Variants in TMTC2 observed in about 807,000 individuals in gnomAD.
TMTC2 encodes the protein protein O-mannosyl-transferase TMTC2.
In TMTC2, 43 loss-of-function variants were observed where a neutral mutation model predicts 82.4. The observed-to-expected ratio is 0.52, with a 90% CI of 0.41 to 0.67. The LOEUF (loss-of-function observed/expected upper bound fraction) is 0.67, where lower values mean the gene tolerates loss of function less well. Ranked by LOEUF, TMTC2 falls within the 30% of genes least tolerant of loss-of-function variation. The probability of loss-of-function intolerance (pLI) is 0.00; values close to 1 mark genes in which losing one functional copy is unlikely to be tolerated. For missense variants in TMTC2, 919 were observed against 1,012.4 expected (o/e 0.91, Z 1.25); for synonymous variants, 408 against 381.9 (o/e 1.07, Z -0.80).
At chr12:83,067,713 A>G (rs905341095) in intron 11 of TMTC2, among the ~76,000 whole-genome samples, 3 of 152,066 alleles carry the variant, frequency 2.0e-5, no homozygotes, top group Admixed American at 1.3e-4. Flanking sequence ...GCAGGCCTGT[A>G]CTATCTACAT....
intron 3 of TMTC2, among the ~76,000 whole-genome samples, chr12:82,901,534 C>T (rs1874021163): frequency 6.6e-6 from 1 of 151,662 alleles, no homozygotes; most frequent in Admixed American, 6.6e-5. Context: ...AAACTCCTGA[C>T]CTCGTGATCC....
At chr12:82,724,077 GC>G (rs1427714211) in intron 1 of TMTC2, among the ~76,000 whole-genome samples, 1 of 152,228 alleles carries the variant, frequency 6.6e-6, no homozygotes, top group Non-Finnish European at 1.5e-5. Context: ...TCTGCAAGAT[GC>G]CCTGGGGAAA....
In TMTC2 at chr12:83,032,607, C is replaced by T. The variant is rs904410182; in HGVS notation, c.2152+1728C>T. Among the ~76,000 whole-genome samples the T allele has an allele frequency of 6.6e-5, 10 of 152,194 alleles. No individual in the cohort carries two copies. In the South Asian group the frequency reaches 1.2e-3, roughly 19 times the overall value. ...CTGCCCAGGCTGGTGTGCAATGGCA[C>T]GATCTCGGCTCACTGCAACCTCCAC... On this transcript the variant is annotated intron_variant, in intron 9 of 11. Transcript: ENST00000321196.
intron 10 of TMTC2, among the ~76,000 whole-genome samples, chr12:83,053,633 T>C (rs539974968): frequency 1.3e-5 from 2 of 152,192 alleles, no homozygotes; most frequent in South Asian, 4.1e-4. Flanking sequence ...AATCTTTATC[T>C]TACTGGGACC....
At chr12:82,857,828 G>A (rs1871338663) in intron 2 of TMTC2, among the ~76,000 whole-genome samples, 1 of 152,102 alleles carries the variant, frequency 6.6e-6, no homozygotes, top group African/African-American at 2.4e-5. Flanking sequence ...ATTTTGCCTT[G>A]TAAAGAATAT....
At chr12:82,751,134 AC>A (rs1475060769) in intron 1 of TMTC2, among the ~76,000 whole-genome samples, 16 of 152,210 alleles carry the variant, frequency 1.1e-4, no homozygotes, top group Non-Finnish European at 5.9e-5. Context: ...CTTGGAACCA[AC>A]CCAAATGTCC....
At chr12:82,817,749 A>G (rs892641595) in intron 1 of TMTC2, among the ~76,000 whole-genome samples, 1 of 152,180 alleles carries the variant, frequency 6.6e-6, no homozygotes, top group African/African-American at 2.4e-5. Flanking sequence ...ACTGCTTCCA[A>G]AATGAAACCA....
chr12:82,831,844 C>G (rs1460353680), intron 1 of TMTC2, among the ~76,000 whole-genome samples: 5 of 152,148 alleles, frequency 3.3e-5, no homozygotes, highest in African/African-American at 1.2e-4. Flanking sequence ...CATTCCTTTT[C>G]AAAGACTACA....
chr12:82,884,408 T>TTGAGTTA (rs760459906), intron 2 of TMTC2, among the ~76,000 whole-genome samples: 37 of 152,232 alleles, frequency 2.4e-4, no homozygotes, highest in Non-Finnish European at 4.0e-4. Flanking sequence ...AGTGACTATG[T>TTGAGTTA]TGAGTTATCC....
chr12:82,835,509 A>G (rs1355669919), intron 1 of TMTC2, among the ~76,000 whole-genome samples: 2 of 152,172 alleles, frequency 1.3e-5, no homozygotes, highest in South Asian at 4.1e-4. Context: ...TATTCCTATT[A>G]AACTTAGCTT....
intron 1 of TMTC2, among the ~76,000 whole-genome samples, chr12:82,715,175 G>A (rs891424623): frequency 1.3e-4 from 20 of 151,670 alleles, no homozygotes; most frequent in African/African-American, 4.8e-4. Flanking sequence ...GGAGGCTGAG[G>A]CAGAGAATTG....
Position 83,033,880 on chromosome 12 carries a change from A to G in TMTC2, c.2152+3001A>G, listed in dbSNP as rs113390964. Among the ~76,000 whole-genome samples, 680 of 121,620 alleles carry G rather than the reference A, an allele frequency of 5.6e-3. 1 individual carries two copies. The highest frequency in any genetic ancestry group is 0.011 in the African/African-American group (286 of 26,298). 79.8% of individuals were successfully genotyped at this position (121,620 alleles called of 152,430 possible). A position where few individuals can be genotyped will look rare whatever the true frequency, so the allele number is the denominator to read the frequency against. ...TATATGTGTATGTGTATATATATAT[A>G]TGTGTGTGTATATATATATATATGT... On this transcript the variant is annotated intron_variant, in intron 9 of 11. Transcript: ENST00000321196.
intron 4 of TMTC2, among the ~76,000 whole-genome samples, chr12:82,941,431 T>C (rs753373802): frequency 1.3e-5 from 2 of 152,240 alleles, no homozygotes; most frequent in Non-Finnish European, 2.9e-5. Flanking sequence ...AAATCATGCA[T>C]ATGTTGATTA....
intron 1 of TMTC2, among the ~76,000 whole-genome samples, chr12:82,702,818 A>G (rs1053116225): frequency 6.6e-5 from 10 of 152,130 alleles, no homozygotes; most frequent in African/African-American, 2.2e-4. Flanking sequence ...GTTCAAGACT[A>G]GCCTGGGCAA....
intron 9 of TMTC2, among the ~76,000 whole-genome samples, chr12:83,038,808 C>T (rs1214579418): frequency 6.6e-6 from 1 of 151,860 alleles, no homozygotes; most frequent in Non-Finnish European, 1.5e-5. Flanking sequence ...AGACATGCAC[C>T]CTTTTGTTTT....
chr12:82,846,427 TTCC>T (rs1218618640), intron 1 of TMTC2, among the ~76,000 whole-genome samples: 1 of 151,994 alleles, frequency 6.6e-6, no homozygotes, highest in African/African-American at 2.4e-5. Context: ...GAGAAGGAGC[TTCC>T]TCATCATCCA....
In TMTC2 at chr12:82,958,378, AAC is replaced by A. The variant is rs1395519870; in HGVS notation, c.1599-6644_1599-6643del. On this transcript the variant is annotated intron_variant, in intron 4 of 11. Transcript: ENST00000321196. ...TCAAAAAAAAAAAAAAAACAAAAAA[AAC>A]AAAAAAACTACTGACCAATATCCCT... Among the ~76,000 whole-genome samples the A allele has an allele frequency of 6.3e-4, 62 of 99,034 alleles. 2 individuals carry two copies. Among genetic ancestry groups the A allele is most frequent in the African/African-American group, 2.7e-3 (57 of 20,826 alleles). The allele number at this position is 99,034 out of a possible 152,430, so 65.0% of individuals were successfully genotyped here.
intron 8 of TMTC2, among the ~76,000 whole-genome samples, chr12:82,990,898 T>G (rs1429037829): frequency 6.6e-6 from 1 of 152,120 alleles, no homozygotes; most frequent in Admixed American, 6.6e-5. Flanking sequence ...TAGGTATTGC[T>G]TTAATCCTCA....
intron 3 of TMTC2, among the ~76,000 whole-genome samples, chr12:82,929,985 T>A (rs1875939380): frequency 6.6e-6 from 1 of 152,166 alleles, no homozygotes; most frequent in African/African-American, 2.4e-5. Context: ...CTTGTTTAGT[T>A]TTTTTGCTTT....
Sources: gnomAD v4.1 joint callset for allele counts (sites outside exome capture counted in the v4.1 genomes callset) on GRCh38, gnomAD v4.1.1 for gene constraint, MANE v1.5 for transcripts, NCBI Gene and HGNC (gene_info 2026-07-23, HGNC 2026-07-21) for gene names.